The following DENND1A variants were observed in gnomAD, a reference collection of about 807,000 sequenced individuals.
The protein encoded by DENND1A is DENN domain-containing protein 1A.
In DENND1A, 51 loss-of-function variants were observed where a neutral mutation model predicts 113.7. That is an observed-to-expected ratio of 0.45 (90% CI 0.36 to 0.57). The LOEUF (loss-of-function observed/expected upper bound fraction) is 0.57, where lower values mean the gene tolerates loss of function less well. Ranked by LOEUF, DENND1A falls within the 20% of genes least tolerant of loss-of-function variation. The probability of loss-of-function intolerance (pLI) is 0.00; values close to 1 mark genes in which losing one functional copy is unlikely to be tolerated. For synonymous variants in DENND1A, 565 were observed against 570.8 expected (o/e 0.99, Z 0.14); for missense variants, 1,258 against 1,395.9 (o/e 0.90, Z 1.57).
In DENND1A at chr9:123,588,439, C is replaced by T. The variant is rs977702494; in HGVS notation, c.766-5169G>A. ...TTCAAGACCAGCCTGGACAACATGG[C>T]GAAACCCTGTCTCTACTAAAAATAC... On this transcript the variant is annotated intron_variant, in intron 11 of 23. Transcript: ENST00000394215. 4.6e-5 allele frequency among the ~76,000 whole-genome samples: 7 copies of T among 150,624 alleles called. No individual in the cohort carries two copies. The East Asian group carries it at 9.9e-4, about 21-fold the overall frequency.
intron 13 of DENND1A, among the ~76,000 whole-genome samples, chr9:123,489,456 C>A (rs1168799943): frequency 6.6e-6 from 1 of 152,218 alleles, no homozygotes; most frequent in African/African-American, 2.4e-5. Flanking sequence ...GGGCACTGAA[C>A]TTTTTCCTCG....
intron 2 of DENND1A, among the ~76,000 whole-genome samples, chr9:123,808,819 TC>T (rs1378352516): frequency 6.6e-6 from 1 of 152,126 alleles, no homozygotes; most frequent in Non-Finnish European, 1.5e-5. Context: ...CTATAATACT[TC>T]CCAGTGAAAG....
At chr9:123,523,223 A>G (rs1195451799) in intron 13 of DENND1A, among the ~76,000 whole-genome samples, 1 of 152,158 alleles carries the variant, frequency 6.6e-6, no homozygotes, top group Non-Finnish European at 1.5e-5. Context: ...ACAATACTCT[A>G]ACCCCCTTAC....
chr9:123,446,313 C>G (rs1461948020), intron 18 of DENND1A, among the ~76,000 whole-genome samples: 1 of 152,188 alleles, frequency 6.6e-6, no homozygotes, highest in Non-Finnish European at 1.5e-5. Context: ...GTTGGAATTT[C>G]TGTGATTGAG....
rs1237796712 is a variant in DENND1A, at chr9:123,382,417, T to C, written c.2228A>G (p.Asn743Ser). The C allele has an allele frequency of 6.2e-7, 1 of 1,605,090 alleles. No homozygotes were observed. Among genetic ancestry groups the C allele is most frequent in the East Asian group, 2.2e-5 (1 of 44,816 alleles). ...GGGCACCTCCTCCTTGTCACTGGGG[T>C]TCAGGATGCTGTCCCGGTTCTGGGG... is the stretch of plus-strand genomic sequence containing the variant. ...RRPQNRDSILNPSDKEEVPTP... is the reference protein window; with the variant it reads ...RRPQNRDSILSPSDKEEVPTP... The change falls in exon 24 of 24, where the codon AAC becomes AGC. Residue 743 changes from asparagine to serine, a missense_variant. By Grantham distance (46) the Asn-to-Ser change is conservative. Coordinates refer to ENST00000394215, the MANE Select transcript of DENND1A (RefSeq NM_001352964.2).
chr9:123,708,807 T>A (rs959059191), intron 5 of DENND1A, among the ~76,000 whole-genome samples: 1 of 152,214 alleles, frequency 6.6e-6, no homozygotes, highest in African/African-American at 2.4e-5. Context: ...TGTTTTAGCA[T>A]TCTCAGTACC....
chr9:123,807,457 C>A (rs1307983258), intron 2 of DENND1A, among the ~76,000 whole-genome samples: 1 of 152,216 alleles, frequency 6.6e-6, no homozygotes, highest in Non-Finnish European at 1.5e-5. Flanking sequence ...TGATTATGCA[C>A]CTAATCATTT....
chr9:123,664,130 T>G (rs1016215130), intron 8 of DENND1A, among the ~76,000 whole-genome samples: 7 of 152,214 alleles, frequency 4.6e-5, no homozygotes, highest in Non-Finnish European at 1.0e-4. Flanking sequence ...TCTTTTGCTG[T>G]TGTGTGATAC....
chr9:123,613,518 C>A (rs576544727), intron 10 of DENND1A, among the ~76,000 whole-genome samples: 1 of 152,258 alleles, frequency 6.6e-6, no homozygotes, highest in East Asian at 1.9e-4. Context: ...TGTTGCTGTT[C>A]TAGAAAACAT....
At chr9:123,711,497 A>ATATATATG (rs1311368658) in intron 5 of DENND1A, among the ~76,000 whole-genome samples, 1 of 91,290 alleles carries the variant, frequency 1.1e-5, no homozygotes, top group East Asian at 3.5e-4. Flanking sequence ...ATATATATAT[A>ATATATATG]TATATATGTA....
rs115233192 is a variant in DENND1A, at chr9:123,419,583, G to A, written c.1489-7754C>T. 6.5e-3 allele frequency among the ~76,000 whole-genome samples: 995 copies of A among 152,334 alleles called. 18 individuals carry two copies. Among genetic ancestry groups the A allele is most frequent in the African/African-American group, 0.023 (944 of 41,564 alleles). ...TCTGACCTATGCATGAAACAGACCC[G>A]GTTGGGAGGGAAGACAAAGCCTTCT... On this transcript the variant is annotated intron_variant, in intron 19 of 23. Coordinates refer to ENST00000394215, the MANE Select transcript of DENND1A (RefSeq NM_001352964.2).
At chr9:123,901,107 G>A (rs550559700) in intron 1 of DENND1A, among the ~76,000 whole-genome samples, 2 of 152,326 alleles carry the variant, frequency 1.3e-5, no homozygotes, top group African/African-American at 4.8e-5. Context: ...GAAGCATGGA[G>A]AGCAGCTGAA....
chr9:123,835,244 T>C (rs1281535224), intron 2 of DENND1A, among the ~76,000 whole-genome samples: 1 of 152,148 alleles, frequency 6.6e-6, no homozygotes, highest in Non-Finnish European at 1.5e-5. Flanking sequence ...GATGAACGCC[T>C]GGAATGCTAC....
intron 5 of DENND1A, among the ~76,000 whole-genome samples, chr9:123,732,032 G>T (rs1199299743): frequency 2.0e-5 from 3 of 152,154 alleles, no homozygotes; most frequent in Non-Finnish European, 4.4e-5. Context: ...TACACACATA[G>T]AATAGCTAAA....
chr9:123,547,303 G>A (rs1005558607), intron 13 of DENND1A, among the ~76,000 whole-genome samples: 1 of 152,256 alleles, frequency 6.6e-6, no homozygotes, highest in South Asian at 2.1e-4. Context: ...GCCAAGGCAG[G>A]CAGATCACCT....
At chr9:123,425,678 G>C (rs1588467725) in intron 19 of DENND1A, among the ~76,000 whole-genome samples, 1 of 152,338 alleles carries the variant, frequency 6.6e-6, no homozygotes, top group East Asian at 1.9e-4. Context: ...AGGATACAGA[G>C]AAGGCCAATT....
chr9:123,891,239 T>A (rs1462007167), intron 1 of DENND1A, among the ~76,000 whole-genome samples: 1 of 152,190 alleles, frequency 6.6e-6, no homozygotes, highest in Non-Finnish European at 1.5e-5. Flanking sequence ...TTCCCTTTTC[T>A]GAGAAGAACT....
At chr9:123,727,312 G>C (rs958864634) in intron 5 of DENND1A, among the ~76,000 whole-genome samples, 1 of 152,148 alleles carries the variant, frequency 6.6e-6, no homozygotes, top group Non-Finnish European at 1.5e-5. Flanking sequence ...CAAGCTAAAA[G>C]TTAATATCCA....
chr9:123,485,986 C>T (rs943736807), intron 13 of DENND1A, among the ~76,000 whole-genome samples: 2 of 152,128 alleles, frequency 1.3e-5, no homozygotes, highest in Non-Finnish European at 1.5e-5. Context: ...GGGTTGATTC[C>T]CCTGGATCTT....
Sources: allele counts gnomAD v4.1 joint callset (sites outside exome capture counted in the v4.1 genomes callset), GRCh38; gene constraint gnomAD v4.1.1; transcripts MANE v1.5; gene names NCBI Gene and HGNC (gene_info 2026-07-23, HGNC 2026-07-21).